The following ITGA11 variants were observed in gnomAD, a reference collection of about 807,000 sequenced individuals.
ITGA11 encodes integrin alpha-11.
In ITGA11, 97 loss-of-function variants were observed where a neutral mutation model predicts 141.9. That is an observed-to-expected ratio of 0.68 (90% CI 0.58 to 0.81). The LOEUF is 0.81. Ranked by LOEUF, ITGA11 falls within the 30% of genes least tolerant of loss-of-function variation. The pLI is 0.00. For synonymous variants in ITGA11, 658 were observed against 624.6 expected (o/e 1.05, Z -0.80); for missense variants, 1,387 against 1,559.2 (o/e 0.89, Z 1.86).
chr15:68,336,577 C>G lies in ITGA11; in HGVS notation c.1277-732G>C, dbSNP rs180863259. Among the ~76,000 whole-genome samples, 52 of 152,298 alleles carry G rather than the reference C, an allele frequency of 3.4e-4. 1 individual carries two copies. The highest frequency in any genetic ancestry group is 3.0e-3 in the Admixed American group (46 of 15,300). On this transcript the variant is annotated intron_variant, in intron 11 of 29. Transcript: ENST00000315757. ...AATCTCAAGTCGCCCACCCAGTACC[C>G]AGGAAGCAAATGTGCAGCAACTTCA...
At chr15:68,411,405 T>C (rs4375610) in intron 1 of ITGA11, among the ~76,000 whole-genome samples, 1,608 of 152,284 alleles carry the variant, frequency 0.011, 30 homozygotes, top group African/African-American at 0.037. Flanking sequence ...CTCTGCTCAC[T>C]ACAGAACTGA....
At chr15:68,395,973 C>T (rs1896228727) in intron 2 of ITGA11, among the ~76,000 whole-genome samples, 1 of 151,628 alleles carries the variant, frequency 6.6e-6, no homozygotes, top group African/African-American at 2.4e-5. Flanking sequence ...TTTAAAGAAG[C>T]AATAATACAG....
intron 1 of ITGA11, among the ~76,000 whole-genome samples, chr15:68,428,850 G>T (rs747856654): frequency 6.6e-6 from 1 of 152,134 alleles, no homozygotes; most frequent in African/African-American, 2.4e-5. Context: ...AGACAGCCCC[G>T]ATGGTAAACA....
Position 68,331,102 on chromosome 15 carries a change from C to T in ITGA11, c.1780G>A (p.Ala594Thr), listed in dbSNP as rs1281690387. 1.9e-6 allele frequency: 3 copies of T among 1,584,844 alleles called. No individual in the cohort carries two copies. In the Admixed American group the frequency reaches 5.3e-5, roughly 28 times the overall value. ...TGGAGGCCGGTAGCCAGCTCTGAGG[C>T]TGTGATTCTCTGCAGGGCGCGGGAA... ...ILKTPKQRIT[A>T]SELATGLQYF... The change falls in exon 15 of 30, where the codon GCC becomes ACC. Residue 594 changes from alanine to threonine, a missense_variant. Physicochemically the swap from Ala to Thr is moderately conservative, Grantham distance 58 (BLOSUM62 0). Transcript: ENST00000315757.
At position 68,414,089 on chromosome 15, in the gene ITGA11, CAG is replaced by C. The variant is rs778265946; in HGVS notation, c.53-11062_53-11061del. ...TCCAGGCGATGTGGTCACCTTTCCA[CAG>C]AAAGCCCAGCCTAGCCCCAGAGCTG... On this transcript the variant is annotated intron_variant, in intron 1 of 29. Transcript: ENST00000315757. Among the ~76,000 whole-genome samples the C allele has an allele frequency of 3.3e-5, 5 of 152,300 alleles. No individual in the cohort carries two copies. The South Asian group carries it at 8.3e-4, about 25-fold the overall frequency.
intron 7 of ITGA11, 96 bp from the exon 8 acceptor site, chr15:68,351,498 C>T (rs1894912012): frequency 2.1e-6 from 3 of 1,406,878 alleles, no homozygotes; most frequent in Non-Finnish European, 1.9e-6. Flanking sequence ...AAACCAGGAC[C>T]AAGTCCTCCT....
rs754831528 is a variant in ITGA11, at chr15:68,311,297, G to A, written c.3080C>T (p.Thr1027Met). The change falls in exon 25 of 30, where the codon ACG becomes ATG. Residue 1027 changes from threonine to methionine, a missense_variant. By Grantham distance (81) the Thr-to-Met change is moderately conservative. Coordinates refer to ENST00000315757, the MANE Select transcript of ITGA11 (RefSeq NM_001004439.2). Reference sequence around the variant, plus strand: ...TCCCAAGGCCATCACCACCTCGTCCGTGAGGAAGTCCCTCAGCTTCAGTAG... The same window carrying A: ...TCCCAAGGCCATCACCACCTCGTCCATGAGGAAGTCCCTCAGCTTCAGTAG... ...NRLLKLRDFL[T>M]DEANTSCNIW... is the part of the protein sequence containing the mutation. 7 of 1,563,568 alleles carry A rather than the reference G, an allele frequency of 4.5e-6. No homozygotes were observed. The highest frequency in any genetic ancestry group is 1.4e-5 in the African/African-American group (1 of 73,762).
chr15:68,423,344 G>A (rs571278394), intron 1 of ITGA11, among the ~76,000 whole-genome samples: 1 of 152,210 alleles, frequency 6.6e-6, no homozygotes, highest in East Asian at 1.9e-4. Context: ...GGAGGAAGTG[G>A]CAAGCAGAGA....
At position 68,298,153 on chromosome 15, in the gene ITGA11, T is replaced by G. The variant is rs1478810343; in HGVS notation, c.*4906A>C. The G allele has an allele frequency of 6.6e-6, 1 of 152,250 alleles. No individual in the cohort carries two copies. The highest frequency in any genetic ancestry group is 2.4e-5 in the African/African-American group (1 of 41,470). The allele number at this position is 152,250 out of a possible 1,614,324, so 9.4% of individuals were successfully genotyped here. A position where few individuals can be genotyped will look rare whatever the true frequency, so the allele number is the denominator to read the frequency against. On this transcript the variant is annotated 3_prime_UTR_variant, in exon 30 of 30. Transcript: ENST00000315757. ...GAAAATACTGGCAGTAGTGTATTCC[T>G]TCAGATACTTGACCTAGAAAATTTC...
At chr15:68,351,966 C>G (rs1226992095) in intron 7 of ITGA11, among the ~76,000 whole-genome samples, 1 of 151,830 alleles carries the variant, frequency 6.6e-6, no homozygotes, top group African/African-American at 2.4e-5. Context: ...GCCTGTAATC[C>G]CAACTACTCG....
In ITGA11 at chr15:68,307,722, C is replaced by A; in HGVS notation, c.3175-26G>T. The stretch of plus-strand genomic sequence containing the variant: ...CTGAAAGAGAAGATGGGTCTCAGGG[C>A]TGAGCTGCTGGGCTAGGGGAGCAGG... On this transcript the variant is annotated intron_variant, in intron 26 of 29. Transcript: ENST00000315757. This position sits in a 1 kb window ranked among gnomAD's most constrained non-coding sequence, Gnocchi z 6.1. The A allele has an allele frequency of 1.3e-6, 2 of 1,539,472 alleles. No homozygotes were observed. The highest frequency in any genetic ancestry group is 1.7e-5 in the Admixed American group (1 of 58,990).
intron 7 of ITGA11, among the ~76,000 whole-genome samples, chr15:68,352,064 CAG>C (rs1318539358): frequency 3.5e-5 from 5 of 143,106 alleles, no homozygotes; most frequent in African/African-American, 1.3e-4. Flanking sequence ...GCCTGGGCGA[CAG>C]AGTGAGACTG....
Position 68,322,120 on chromosome 15 carries a change from C to G in ITGA11, c.2323-617G>C, listed in dbSNP as rs114268984. ...TGATGCAGGGGCCCTGGGGCAGGAG[C>G]GGGACGGTGAGTCTGGGAAATGATA... is the stretch of plus-strand genomic sequence containing the variant. On this transcript the variant is annotated intron_variant, in intron 18 of 29. Coordinates refer to ENST00000315757, the MANE Select transcript of ITGA11 (RefSeq NM_001004439.2). The surrounding 1 kb of genome is among the most constrained non-coding windows in gnomAD (Gnocchi z 5.6). 9.6e-4 allele frequency among the ~76,000 whole-genome samples: 146 copies of G among 152,072 alleles called. No individual in the cohort carries two copies. The highest frequency in any genetic ancestry group is 3.2e-3 in the African/African-American group (134 of 41,470).
At position 68,335,778 on chromosome 15, in the gene ITGA11, G is replaced by T. The variant is rs751475908; in HGVS notation, c.1344C>A (p.Phe448Leu). Residue 448 changes from phenylalanine to leucine, a missense_variant, in exon 12 of 30, where the codon TTC (phenylalanine) becomes TTA (leucine). Transcript: ENST00000315757. This position sits in a 1 kb window ranked among gnomAD's most constrained non-coding sequence, Gnocchi z 4.9. ...ACAGGATGACCTTGCCCGTGTGGTTGAACCGGGGGGCTCCGGCCACGTACA... is the reference window on the plus strand; with the variant it reads ...ACAGGATGACCTTGCCCGTGTGGTTTAACCGGGGGGCTCCGGCCACGTACA... ...GRVYVAGAPR[F>L]NHTGKVILFT... 2 of 1,613,690 alleles carry T rather than the reference G, an allele frequency of 1.2e-6. No homozygotes were observed. Among genetic ancestry groups the T allele is most frequent in the East Asian group, 2.2e-5 (1 of 44,866 alleles).
At position 68,325,755 on chromosome 15, in the gene ITGA11, CA is replaced by C. The variant is rs527460525; in HGVS notation, c.2212-515del. ...TGAATGAACAAACTCGTGAGCAAGA[CA>C]GGGGCGCTCAGGTTGGTTCTGAGCA... On this transcript the variant is annotated intron_variant, in intron 17 of 29. Coordinates refer to ENST00000315757, the MANE Select transcript of ITGA11 (RefSeq NM_001004439.2). This position sits in a 1 kb window ranked among gnomAD's most constrained non-coding sequence, Gnocchi z 5.5. Among the ~76,000 whole-genome samples the C allele has an allele frequency of 4.6e-5, 7 of 152,338 alleles. No individual in the cohort carries two copies. The East Asian group carries it at 1.2e-3, about 25-fold the overall frequency.
chr15:68,355,815 T>A (rs1895055778), intron 7 of ITGA11, among the ~76,000 whole-genome samples: 1 of 152,122 alleles, frequency 6.6e-6, no homozygotes, highest in East Asian at 1.9e-4. Context: ...AAGGTGGGAT[T>A]ATAAGGTACC....
At position 68,328,901 on chromosome 15, in the gene ITGA11, C is replaced by T. The variant is rs1185609720; in HGVS notation, c.1902-639G>A. 1.3e-5 allele frequency among the ~76,000 whole-genome samples: 2 copies of T among 152,210 alleles called. No homozygotes were observed. The highest frequency in any genetic ancestry group is 2.4e-5 in the African/African-American group (1 of 41,442). ...GCAGCCAGCATCCATCTAACCCCCACACTACCCCATCCAGGTAACCAAGGA... is the reference window on the plus strand; with the variant it reads ...GCAGCCAGCATCCATCTAACCCCCATACTACCCCATCCAGGTAACCAAGGA... On this transcript the variant is annotated intron_variant, in intron 15 of 29. Coordinates refer to ENST00000315757, the MANE Select transcript of ITGA11 (RefSeq NM_001004439.2). This position sits in a 1 kb window ranked among gnomAD's most constrained non-coding sequence, Gnocchi z 4.8.
intron 1 of ITGA11, among the ~76,000 whole-genome samples, chr15:68,412,251 G>GA (rs1419936173): frequency 6.6e-6 from 1 of 152,116 alleles, no homozygotes; most frequent in Non-Finnish European, 1.5e-5. Context: ...GATCTCTGGG[G>GA]ACTCGTGGTT....
At position 68,393,242 on chromosome 15, in the gene ITGA11, C is replaced by T. The variant is rs564776599; in HGVS notation, c.164+9676G>A. 7.2e-5 allele frequency among the ~76,000 whole-genome samples: 11 copies of T among 151,902 alleles called. No homozygotes were observed. In the East Asian group the frequency reaches 7.7e-4, roughly 11 times the overall value. ...CTGAACAGAAATATGAGAAATATGG[C>T]GAGAAGGCCTAACATACACACAATT... On this transcript the variant is annotated intron_variant, in intron 2 of 29. Transcript: ENST00000315757.
Sources: allele counts gnomAD v4.1 joint callset (sites outside exome capture counted in the v4.1 genomes callset), GRCh38; gene constraint gnomAD v4.1.1; non-coding constraint Gnocchi (gnomAD v3.1); transcripts MANE v1.5; gene names NCBI Gene and HGNC (gene_info 2026-07-23, HGNC 2026-07-21).